Variants in KLHL1 observed in about 807,000 individuals in gnomAD.
KLHL1 encodes kelch like family member 1.
KLHL1 carries 47 observed loss-of-function variants against 77.7 expected under a neutral mutation model. The ratio of observed to expected loss-of-function variants is 0.60; its 90% CI spans 0.48 to 0.77. KLHL1 has a LOEUF of 0.77. KLHL1 is among the 30% of genes least tolerant of loss of function. The pLI is 0.00. For missense variants in KLHL1, 925 were observed against 910.8 expected, an observed-to-expected ratio of 1.02 and a Z score of -0.20; for synonymous variants, 360 against 325.2, an observed-to-expected ratio of 1.11 and a Z score of -1.15.
intron 6 of KLHL1, among the ~76,000 whole-genome samples, chr13:69,811,677 A>T (rs1877887229): frequency 1.3e-5 from 2 of 152,110 alleles, no homozygotes; most frequent in Admixed American, 6.6e-5. Flanking sequence ...AGGAAAAAAA[A>T]GTCATGTTAT....
chr13:69,800,546 G>A (rs1016247485), intron 6 of KLHL1, among the ~76,000 whole-genome samples: 1 of 152,076 alleles, frequency 6.6e-6, no homozygotes, highest in Non-Finnish European at 1.5e-5. Context: ...ATGTCAGCAG[G>A]TATTGTAAAC....
At chr13:70,028,617 C>G (rs1197554215) in intron 1 of KLHL1, among the ~76,000 whole-genome samples, 1 of 152,064 alleles carries the variant, frequency 6.6e-6, no homozygotes, top group Non-Finnish European at 1.5e-5. Context: ...GCAATGTTGT[C>G]TCAGAGAAAT....
intron 8 of KLHL1, among the ~76,000 whole-genome samples, chr13:69,737,123 G>A (rs1270232261): frequency 6.6e-6 from 1 of 152,190 alleles, no homozygotes; most frequent in African/African-American, 2.4e-5. Context: ...AGAAGGCAGT[G>A]AGGGATTGTG....
At chr13:69,803,633 G>A (rs995470229) in intron 6 of KLHL1, among the ~76,000 whole-genome samples, 1 of 152,162 alleles carries the variant, frequency 6.6e-6, no homozygotes, top group Non-Finnish European at 1.5e-5. Context: ...CCCTGAAAGT[G>A]AGAGATTTTC....
At chr13:69,790,429 C>G (rs1351385700) in intron 7 of KLHL1, among the ~76,000 whole-genome samples, 3 of 152,104 alleles carry the variant, frequency 2.0e-5, no homozygotes, top group Non-Finnish European at 2.9e-5. Flanking sequence ...TATGAGAAAA[C>G]ATTTCCCAAT....
intron 1 of KLHL1, among the ~76,000 whole-genome samples, chr13:70,076,163 C>T (rs1887262973): frequency 6.6e-6 from 1 of 151,718 alleles, no homozygotes; most frequent in Admixed American, 6.6e-5. Context: ...CTGCAAAATA[C>T]ACAGAAGATT....
intron 3 of KLHL1, among the ~76,000 whole-genome samples, chr13:69,948,583 T>C (rs1883603973): frequency 6.6e-6 from 1 of 152,030 alleles, no homozygotes; most frequent in Non-Finnish European, 1.5e-5. Flanking sequence ...CTAAGGCCAC[T>C]AAATCTTCCA....
chr13:69,786,647 T>C (rs1430204153), intron 7 of KLHL1, among the ~76,000 whole-genome samples: 1 of 152,168 alleles, frequency 6.6e-6, no homozygotes, highest in Admixed American at 6.6e-5. Flanking sequence ...CTGTTGGAAG[T>C]TCTGGCCAGG....
intron 1 of KLHL1, among the ~76,000 whole-genome samples, chr13:69,983,281 C>T (rs1484204835): frequency 6.6e-6 from 1 of 152,000 alleles, no homozygotes; most frequent in African/African-American, 2.4e-5. Context: ...CTACAGTGAT[C>T]TGCAGATTCA....
In KLHL1 at chr13:69,704,209, T is replaced by C. The variant is rs1027191345; in HGVS notation, c.2188-2448A>G. On this transcript the variant is annotated intron_variant, in intron 10 of 10. Coordinates refer to ENST00000377844, the MANE Select transcript of KLHL1 (RefSeq NM_020866.3). ...TGTTTTTTCAAAAAACAAAATGTGATATTCCCCTTGTGTTTCTTATGTCAG... is the reference window on the plus strand; with the variant it reads ...TGTTTTTTCAAAAAACAAAATGTGACATTCCCCTTGTGTTTCTTATGTCAG... 3.3e-5 allele frequency among the ~76,000 whole-genome samples: 5 copies of C among 151,672 alleles called. No homozygotes were observed. The Admixed American group carries it at 3.3e-4, about 10-fold the overall frequency.
intron 7 of KLHL1, among the ~76,000 whole-genome samples, chr13:69,772,159 C>A (rs1875602624): frequency 6.6e-6 from 1 of 151,744 alleles, no homozygotes; most frequent in East Asian, 1.9e-4. Context: ...ACCATGTTGG[C>A]CAAGATGTTT....
intron 1 of KLHL1, among the ~76,000 whole-genome samples, chr13:69,992,936 T>C (rs946827237): frequency 1.5e-4 from 22 of 151,202 alleles, no homozygotes; most frequent in African/African-American, 4.4e-4. Flanking sequence ...AAAAAAAACA[T>C]GTACCTTTCT....
chr13:69,783,352 A>G (rs186101155), intron 7 of KLHL1, among the ~76,000 whole-genome samples: 13 of 152,206 alleles, frequency 8.5e-5, no homozygotes, highest in Admixed American at 1.3e-4. Flanking sequence ...TGAGAGAAGA[A>G]GTCTCCAGAC....
At chr13:70,045,098 G>T (rs1886463991) in intron 1 of KLHL1, among the ~76,000 whole-genome samples, 1 of 152,088 alleles carries the variant, frequency 6.6e-6, no homozygotes. Context: ...TATTTGAACT[G>T]TTACCCCAAA....
At chr13:70,061,227 T>C (rs554105376) in intron 1 of KLHL1, among the ~76,000 whole-genome samples, 5 of 152,286 alleles carry the variant, frequency 3.3e-5, no homozygotes, top group African/African-American at 9.6e-5. Flanking sequence ...TTTTGTTAGA[T>C]TGATTATCAT....
intron 7 of KLHL1, among the ~76,000 whole-genome samples, chr13:69,780,702 G>A (rs2113366): frequency 0.47 from 21,735 of 46,082 alleles, 4,612 homozygotes; most frequent in East Asian, 0.53. Flanking sequence ...ATATATATAT[G>A]TATATATATA....
At chr13:69,760,834 C>T (rs918176531) in intron 7 of KLHL1, among the ~76,000 whole-genome samples, 2 of 152,084 alleles carry the variant, frequency 1.3e-5, no homozygotes, top group Middle Eastern at 3.2e-3. Context: ...TTTTAAAATA[C>T]AATATAGTTT....
At chr13:70,051,954 TTC>T (rs1199313987) in intron 1 of KLHL1, among the ~76,000 whole-genome samples, 1 of 151,994 alleles carries the variant, frequency 6.6e-6, no homozygotes, top group African/African-American at 2.4e-5. Flanking sequence ...CTTTTTTTTT[TTC>T]ATTTGTCAAA....
chr13:69,843,032 T>C (rs764323529), intron 5 of KLHL1, among the ~76,000 whole-genome samples: 38 of 151,562 alleles, frequency 2.5e-4, no homozygotes, highest in Middle Eastern at 3.4e-3. Flanking sequence ...ACAGAGACTG[T>C]AAAGGGTGAG....
Sources: allele counts gnomAD v4.1 joint callset (sites outside exome capture counted in the v4.1 genomes callset), GRCh38; gene constraint gnomAD v4.1.1; transcripts MANE v1.5; gene names NCBI Gene and HGNC (gene_info 2026-07-23, HGNC 2026-07-21).